Variants in ITGA11 observed in about 807,000 individuals in gnomAD.
ITGA11 encodes integrin alpha-11.
Under a neutral mutation model 141.9 loss-of-function variants are expected in ITGA11, and 97 were observed. The ratio of observed to expected loss-of-function variants is 0.68; its 90% CI spans 0.58 to 0.81. ITGA11 has a LOEUF of 0.81. Ranked by LOEUF, ITGA11 falls within the 30% of genes least tolerant of loss-of-function variation. The probability of loss-of-function intolerance (pLI) is 0.00; values close to 1 mark genes in which losing one functional copy is unlikely to be tolerated. For synonymous variants in ITGA11, 658 were observed against 624.6 expected, an observed-to-expected ratio of 1.05 and a Z score of -0.80; for missense variants, 1,387 against 1,559.2, an observed-to-expected ratio of 0.89 and a Z score of 1.86.
At chr15:68,415,355 G>A (rs1363468351) in intron 1 of ITGA11, among the ~76,000 whole-genome samples, 1 of 152,206 alleles carries the variant, frequency 6.6e-6, no homozygotes, top group Non-Finnish European at 1.5e-5. Flanking sequence ...AGAGAAAGGG[G>A]AGGGGTTCAA....
chr15:68,424,331 C>A (rs1156427308), intron 1 of ITGA11, among the ~76,000 whole-genome samples: 1 of 152,138 alleles, frequency 6.6e-6, no homozygotes, highest in Non-Finnish European at 1.5e-5. Context: ...TTGGCTTTAC[C>A]ACTGGTGTTG....
chr15:68,400,861 A>ATATAATATTATATATTATATAATAAATAT lies in ITGA11; in HGVS notation c.164+2028_164+2056dup, dbSNP rs1566938786. Among the ~76,000 whole-genome samples, 20 of 5,436 alleles carry ATATAATATTATATATTATATAATAAATAT rather than the reference A, an allele frequency of 3.7e-3. 4 individuals are homozygous for ATATAATATTATATATTATATAATAAATAT. Among genetic ancestry groups the ATATAATATTATATATTATATAATAAATAT allele is most frequent in the Non-Finnish European group, 3.9e-3 (14 of 3,560 alleles). The allele number at this position is 5,436 out of a possible 152,430, so 3.6% of individuals were successfully genotyped here. ...TATTATATTATATATTATATAATAA[A>ATATAATATTATATATTATATAATAAATAT]TATAATATTATATATTATATAATAA... is the stretch of plus-strand genomic sequence containing the variant. On this transcript the variant is annotated intron_variant, in intron 2 of 29. Coordinates refer to ENST00000315757, the MANE Select transcript of ITGA11 (RefSeq NM_001004439.2).
Position 68,398,755 on chromosome 15 carries a change from CTA to C in ITGA11, c.164+4161_164+4162del, listed in dbSNP as rs373414532. Among the ~76,000 whole-genome samples the C allele has an allele frequency of 3.0e-4, 44 of 145,334 alleles. No homozygotes were observed. The East Asian group carries it at 6.5e-3, about 21-fold the overall frequency. ...TAATTTATATTAACTGTAAATATAA[CTA>C]TATTCATAGTATAAAATGAAATGAA... is the stretch of plus-strand genomic sequence containing the variant. On this transcript the variant is annotated intron_variant, in intron 2 of 29. Transcript: ENST00000315757.
intron 12 of ITGA11, 51 bp from the exon 13 acceptor site, chr15:68,332,529 A>T: frequency 6.3e-7 from 1 of 1,578,028 alleles, no homozygotes; most frequent in Non-Finnish European, 8.6e-7. Flanking sequence ...AGCTCGCACA[A>T]CCCAGAGCCC....
At chr15:68,329,073 A>G (rs1894073828) in intron 15 of ITGA11, among the ~76,000 whole-genome samples, 1 of 152,234 alleles carries the variant, frequency 6.6e-6, no homozygotes, top group Admixed American at 6.5e-5. Flanking sequence ...ATCTGTGCCA[A>G]TACTCTGTTC....
rs200509344 is a variant in ITGA11 at position 68,332,040 on chromosome 15, G to T, written c.1589C>A (p.Thr530Lys). The T allele has an allele frequency of 6.2e-7, 1 of 1,606,412 alleles. No homozygotes were observed. Among genetic ancestry groups the T allele is most frequent in the South Asian group, 1.1e-5 (1 of 89,438 alleles). Residue 530 changes from threonine (T) to lysine (K), a missense_variant, in exon 14 of 30, where the codon ACG becomes AAG. Physicochemically the swap from Thr to Lys is moderately conservative, Grantham distance 78. Coordinates refer to ENST00000315757, the MANE Select transcript of ITGA11 (RefSeq NM_001004439.2). ...CTGGTAACTGTGTGAATCCTTTAGC[G>T]TTCCGTTATAAACAAACAGGTTCTG... is the stretch of plus-strand genomic sequence containing the variant. ...LRQNLFVYNG[T>K]LKDSHSYQNA...
Position 68,339,685 on chromosome 15 carries a change from T to C in ITGA11, c.1132-41A>G, listed in dbSNP as rs367810150. The C allele has an allele frequency of 3.1e-6, 5 of 1,607,972 alleles. No homozygotes were observed. The African/African-American group carries it at 4.0e-5, about 13-fold the overall frequency. On this transcript the variant is annotated intron_variant, in intron 10 of 29. Coordinates refer to ENST00000315757, the MANE Select transcript of ITGA11 (RefSeq NM_001004439.2). ...GGACACACATCAGCACCTGTCCTCA[T>C]GGGCCAGTTGCCAGGAGCCACATCA... is the stretch of plus-strand genomic sequence containing the variant.
intron 7 of ITGA11, among the ~76,000 whole-genome samples, chr15:68,355,778 T>A (rs981217486): frequency 7.9e-5 from 12 of 151,146 alleles, no homozygotes; most frequent in African/African-American, 2.2e-4. Flanking sequence ...ATTTTTTTTT[T>A]AAAAAACACG....
chr15:68,398,832 A>AAC (rs1896392589), intron 2 of ITGA11, among the ~76,000 whole-genome samples: 1 of 147,376 alleles, frequency 6.8e-6, no homozygotes, highest in African/African-American at 2.5e-5. Flanking sequence ...ATAAAATATA[A>AAC]ATATTTTATA....
chr15:68,401,996 T>C (rs1177639066), intron 2 of ITGA11, among the ~76,000 whole-genome samples: 6 of 141,174 alleles, frequency 4.3e-5, no homozygotes, highest in African/African-American at 1.6e-4. Flanking sequence ...GAAACAGCAA[T>C]GCTGCGATTG....
At chr15:68,315,547 C>A (rs990722517) in intron 22 of ITGA11, 104 bp downstream of exon 22, 61 of 960,138 alleles carry the variant, frequency 6.4e-5, no homozygotes, top group Non-Finnish European at 8.5e-5. Flanking sequence ...GGGGACAGGG[C>A]GTGGGGCAGC....
Position 68,325,708 on chromosome 15 carries a change from G to C in ITGA11, c.2212-467C>G, listed in dbSNP as rs1372610492. Among the ~76,000 whole-genome samples the C allele has an allele frequency of 1.3e-5, 2 of 152,254 alleles. No individual in the cohort carries two copies. The highest frequency in any genetic ancestry group is 4.8e-5 in the African/African-American group (2 of 41,470). ...CAGCATGGCCCTAGCACTGTGATAA[G>C]GGCTTCAGCATGTGGAATTGGTGAA... is the stretch of plus-strand genomic sequence containing the variant. On this transcript the variant is annotated intron_variant, in intron 17 of 29. Coordinates refer to ENST00000315757, the MANE Select transcript of ITGA11 (RefSeq NM_001004439.2). This position sits in a 1 kb window ranked among gnomAD's most constrained non-coding sequence, Gnocchi z 5.5.
chr15:68,432,128 G>A lies in ITGA11; in HGVS notation c.-62C>T, dbSNP rs534163375. 3.6e-4 allele frequency: 449 copies of A among 1,248,766 alleles called. No homozygotes were observed. Among genetic ancestry groups the A allele is most frequent in the Non-Finnish European group, 4.2e-4 (410 of 971,528 alleles). The allele number at this position is 1,248,766 out of a possible 1,614,324, so 77.4% of individuals were successfully genotyped here. ...GCGGCGGGGGGCGGCAAGCCAGAGC[G>A]GCAGCCTCCTCGGCGCGGCGCCTGC... On this transcript the variant is annotated 5_prime_UTR_variant, in exon 1 of 30. Coordinates refer to ENST00000315757, the MANE Select transcript of ITGA11 (RefSeq NM_001004439.2).
chr15:68,360,357 G>T (rs1895200431), intron 5 of ITGA11, among the ~76,000 whole-genome samples: 1 of 151,976 alleles, frequency 6.6e-6, no homozygotes, highest in Non-Finnish European at 1.5e-5. Context: ...ATTTATTATT[G>T]TTGATTTCTT....
chr15:68,317,163 G>C, intron 21 of ITGA11, 102 bp downstream of exon 21: 1 of 818,986 alleles, frequency 1.2e-6, no homozygotes, highest in Non-Finnish European at 2.1e-6. Flanking sequence ...ATCCCTCCCT[G>C]GTCTTCTGTG....
At position 68,328,064 on chromosome 15, in the gene ITGA11, G is replaced by A. The variant is rs1176123667; in HGVS notation, c.2068+32C>T. The A allele has an allele frequency of 3.1e-6, 5 of 1,594,884 alleles. No individual in the cohort carries two copies. Among genetic ancestry groups the A allele is most frequent in the South Asian group, 1.1e-5 (1 of 88,028 alleles). On this transcript the variant is annotated intron_variant, in intron 16 of 29. Coordinates refer to ENST00000315757, the MANE Select transcript of ITGA11 (RefSeq NM_001004439.2). This position sits in a 1 kb window ranked among gnomAD's most constrained non-coding sequence, Gnocchi z 4.8. ...AAGGTGCAGGGGGAGACTGGAGTCT[G>A]GGGGTGGGGAGAAAGGAGGGGCCTG...
intron 2 of ITGA11, among the ~76,000 whole-genome samples, chr15:68,400,784 T>TATATTATATATTATATAATAAATATTATA (rs1896474440): frequency 3.9e-4 from 3 of 7,710 alleles, no homozygotes; most frequent in Non-Finnish European, 5.9e-4. Context: ...TAATAAATAT[T>TATATTATATATTATATAATAAATATTATA]ATATTATATA....
chr15:68,307,500 T>A lies in ITGA11; in HGVS notation c.3286-57A>T, dbSNP rs1409906300. ...CTTGGAAGCTTTTCTTCCCGTCCCC[T>A]CCCCAGGCAGCCCCAGGTGGAAGAC... On this transcript the variant is annotated intron_variant, in intron 27 of 29. Coordinates refer to ENST00000315757, the MANE Select transcript of ITGA11 (RefSeq NM_001004439.2). This position sits in a 1 kb window ranked among gnomAD's most constrained non-coding sequence, Gnocchi z 6.1. The A allele has an allele frequency of 3.3e-6, 5 of 1,518,602 alleles. No individual in the cohort carries two copies. The highest frequency in any genetic ancestry group is 2.4e-5 in the East Asian group (1 of 41,380). The allele number at this position is 1,518,602 out of a possible 1,614,324, so 94.1% of individuals were successfully genotyped here. A position where few individuals can be genotyped will look rare whatever the true frequency, so the allele number is the denominator to read the frequency against.
chr15:68,303,231 GCTTC>G lies in ITGA11; in HGVS notation c.3496-105_3496-102del, dbSNP rs1405764838. ...CTTTCCTTGGGATTCCTCCCTCAGG[GCTTC>G]CTTGAGTACCCCCAGCTCATTCTGA... On this transcript the variant is annotated intron_variant, in intron 29 of 29. Transcript: ENST00000315757. The surrounding 1 kb of genome is among the most constrained non-coding windows in gnomAD (Gnocchi z 5.3). 8.2e-6 allele frequency: 8 copies of G among 981,100 alleles called. No individual in the cohort carries two copies. The highest frequency in any genetic ancestry group is 5.1e-4 in the Middle Eastern group (2 of 3,936). 60.8% of individuals were successfully genotyped at this position (981,100 alleles called of 1,614,324 possible). A position where few individuals can be genotyped will look rare whatever the true frequency, so the allele number is the denominator to read the frequency against.
Sources: allele counts gnomAD v4.1 joint callset (sites outside exome capture counted in the v4.1 genomes callset), GRCh38; gene constraint gnomAD v4.1.1; non-coding constraint Gnocchi (gnomAD v3.1); transcripts MANE v1.5; gene names NCBI Gene and HGNC (gene_info 2026-07-23, HGNC 2026-07-21).